The following WDFY3 variants were observed in gnomAD, a reference collection of about 807,000 sequenced individuals.
WDFY3 encodes WD repeat and FYVE domain-containing protein 3.
Under a neutral mutation model 409.6 loss-of-function variants are expected in WDFY3, and 66 were observed. That is an observed-to-expected ratio of 0.16 (90% CI 0.13 to 0.20). WDFY3 has a LOEUF of 0.20. Ranked by LOEUF, WDFY3 falls within the 10% of genes least tolerant of loss-of-function variation. The probability of loss-of-function intolerance (pLI) is 1.00; values close to 1 mark genes in which losing one functional copy is unlikely to be tolerated. For missense variants in WDFY3, 3,031 were observed against 4,298.1 expected (o/e 0.71, Z 8.24); for synonymous variants, 1,521 against 1,537.1 (o/e 0.99, Z 0.25).
chr4:84,889,131 G>A (rs1009543007), intron 3 of WDFY3, among the ~76,000 whole-genome samples: 2 of 152,084 alleles, frequency 1.3e-5, no homozygotes, highest in African/African-American at 2.4e-5. Flanking sequence ...TGTCTGATTG[G>A]CCTGATTTAT....
intron 24 of WDFY3, among the ~76,000 whole-genome samples, chr4:84,784,891 TACACACACAC>T (rs1215135327): frequency 2.7e-5 from 1 of 36,916 alleles, no homozygotes; most frequent in African/African-American, 7.7e-5. Context: ...TATATATATA[TACACACACAC>T]ACACACACAC....
intron 14 of WDFY3, chr4:84,809,332 G>A: frequency 6.7e-6 from 1 of 149,498 alleles, no homozygotes; most frequent in Non-Finnish European, 1.5e-5. Context: ...TCAATGCCTA[G>A]CACAGTGACT....
Position 84,670,997 on chromosome 4 carries a change from G to A in WDFY3, c.*1871C>T, listed in dbSNP as rs1725365949. On this transcript the variant is annotated 3_prime_UTR_variant, in exon 68 of 68. Transcript: ENST00000295888. ...TATATTTGAACTTTTAGAAATGGAA[G>A]TGTTTTAATCAATTTTGATATGTAA... 1 of 152,604 alleles carries A rather than the reference G, an allele frequency of 6.6e-6. No individual in the cohort carries two copies. Among genetic ancestry groups the A allele is most frequent in the African/African-American group, 2.4e-5 (1 of 41,434 alleles). 9.5% of individuals were successfully genotyped at this position (152,604 alleles called of 1,614,324 possible).
intron 2 of WDFY3, among the ~76,000 whole-genome samples, chr4:84,923,734 C>T (rs140047471): frequency 2.0e-5 from 3 of 152,292 alleles, no homozygotes; most frequent in African/African-American, 7.2e-5. Flanking sequence ...TATGATGGCT[C>T]ATGCCTGTAA....
At chr4:84,940,156 C>T (rs1366488766) in intron 1 of WDFY3, among the ~76,000 whole-genome samples, 2 of 152,068 alleles carry the variant, frequency 1.3e-5, no homozygotes, top group African/African-American at 2.4e-5. Flanking sequence ...ATCCCCAATA[C>T]ACCTAAAAAG....
intron 3 of WDFY3, among the ~76,000 whole-genome samples, chr4:84,895,604 G>A (rs1318255920): frequency 1.3e-5 from 2 of 152,196 alleles, no homozygotes; most frequent in East Asian, 1.9e-4. Context: ...TTACATGTTA[G>A]ACTAACAATA....
At chr4:84,820,880 A>T (rs1428841949) in intron 11 of WDFY3, among the ~76,000 whole-genome samples, 2 of 152,076 alleles carry the variant, frequency 1.3e-5, no homozygotes, top group Non-Finnish European at 2.9e-5. Flanking sequence ...ATACACTCAC[A>T]TAATTCTAGC....
intron 2 of WDFY3, among the ~76,000 whole-genome samples, chr4:84,922,690 C>T (rs1193732567): frequency 6.6e-6 from 1 of 151,894 alleles, no homozygotes; most frequent in Non-Finnish European, 1.5e-5. Flanking sequence ...GACAGGGTCT[C>T]GCTCTTCTGC....
chr4:84,916,138 A>C (rs1375220316), intron 2 of WDFY3, among the ~76,000 whole-genome samples: 1 of 152,232 alleles, frequency 6.6e-6, no homozygotes, highest in Admixed American at 6.5e-5. Flanking sequence ...AAAACGGATG[A>C]ACGACATTAT....
chr4:84,672,063 T>C lies in WDFY3; in HGVS notation c.*805A>G, dbSNP rs1725512435. On this transcript the variant is annotated 3_prime_UTR_variant, in exon 68 of 68. Coordinates refer to ENST00000295888, the MANE Select transcript of WDFY3 (RefSeq NM_014991.6). ...CATACAAGTTTAAAAGGGGCCCTGTTTATGTAGGAACAACACTGAGGTGGT... is the reference window on the plus strand; with the variant it reads ...CATACAAGTTTAAAAGGGGCCCTGTCTATGTAGGAACAACACTGAGGTGGT... 1 of 152,196 alleles carries C rather than the reference T, an allele frequency of 6.6e-6. No individual in the cohort carries two copies. Among genetic ancestry groups the C allele is most frequent in the Non-Finnish European group, 1.5e-5 (1 of 68,020 alleles). 9.4% of individuals were successfully genotyped at this position (152,196 alleles called of 1,614,324 possible).
In WDFY3 at chr4:84,798,003, TTC is replaced by T; in HGVS notation, c.2926_2927del (p.Glu976AsnfsTer4). The T allele has an allele frequency of 6.2e-7, 1 of 1,606,492 alleles. No individual in the cohort carries two copies. Among genetic ancestry groups the T allele is most frequent in the Non-Finnish European group, 8.5e-7 (1 of 1,177,106 alleles). On this transcript the variant is annotated frameshift_variant, in exon 18 of 68. Coordinates refer to ENST00000295888, the MANE Select transcript of WDFY3 (RefSeq NM_014991.6). LOFTEE classifies it high-confidence loss of function. ...HKPSSLSYEP[E>X]MRSSMITSLE... is the part of the protein sequence containing the mutation. ...GGGAATTTCAAAACTTACTTCTCAT[TTC>T]TGGTTCATAACTCAGTGAACTTGGT...
At chr4:84,751,970 T>C (rs180976705) in intron 35 of WDFY3, among the ~76,000 whole-genome samples, 12 of 152,260 alleles carry the variant, frequency 7.9e-5, no homozygotes, top group Admixed American at 7.2e-4. Context: ...TGTATGTCTA[T>C]TGTGGCTAAC....
In WDFY3 at chr4:84,678,191, C is replaced by T. The variant is rs1168123901; in HGVS notation, c.10236G>A (p.Glu3412=). 6.2e-7 allele frequency: 1 copy of T among 1,614,006 alleles called. No homozygotes were observed. The highest frequency in any genetic ancestry group is 8.5e-7 in the Non-Finnish European group (1 of 1,179,972). The change falls in exon 66 of 68, where the codon GAG becomes GAA. Residue 3412 remains glutamate (E), a synonymous_variant. Coordinates refer to ENST00000295888, the MANE Select transcript of WDFY3 (RefSeq NM_014991.6). ...FDRKDNAHPA[E]VTALGISKDH... ...ACTTGGAGATGCCCAAGGCAGTGAC[C>T]TCAGCTGGGTGTGCATTGTCCTTTC...
At chr4:84,898,825 G>C (rs1175810547) in intron 2 of WDFY3, among the ~76,000 whole-genome samples, 1 of 152,128 alleles carries the variant, frequency 6.6e-6, no homozygotes, top group Non-Finnish European at 1.5e-5. Flanking sequence ...TCCATCTGTA[G>C]GATGCTGTTC....
At chr4:84,754,009 T>TGTGTGTTTGCTC in intron 34 of WDFY3, 133 bp from the exon 35 acceptor site, 2 of 1,001,892 alleles carry the variant, frequency 2.0e-6, no homozygotes, top group Non-Finnish European at 2.7e-6. Context: ...AAACCACACA[T>TGTGTGTTTGCTC]ATGAGCAAAC....
intron 12 of WDFY3, among the ~76,000 whole-genome samples, chr4:84,819,791 CA>C (rs962569339): frequency 1.3e-5 from 2 of 151,894 alleles, no homozygotes; most frequent in Non-Finnish European, 1.5e-5. Flanking sequence ...ATTTAAATAG[CA>C]ACTTATTTGA....
intron 3 of WDFY3, among the ~76,000 whole-genome samples, chr4:84,882,633 T>C (rs1365820342): frequency 6.6e-6 from 1 of 152,118 alleles, no homozygotes; most frequent in Non-Finnish European, 1.5e-5. Context: ...TAAAAGGTGA[T>C]ACTAATATGA....
chr4:84,810,736 C>A (rs962782126), intron 13 of WDFY3, among the ~76,000 whole-genome samples: 6 of 152,132 alleles, frequency 3.9e-5, no homozygotes, highest in Non-Finnish European at 8.8e-5. Flanking sequence ...CTGATTAATT[C>A]TAGAAGGGAT....
At chr4:84,685,495 C>T (rs1258258134) in intron 62 of WDFY3, among the ~76,000 whole-genome samples, 1 of 152,206 alleles carries the variant, frequency 6.6e-6, no homozygotes, top group Admixed American at 6.5e-5. Flanking sequence ...CTATAAGTGT[C>T]AGCAATTGAG....
Sources: gnomAD v4.1 joint callset for allele counts (sites outside exome capture counted in the v4.1 genomes callset) on GRCh38, gnomAD v4.1.1 for gene constraint, MANE v1.5 for transcripts, NCBI Gene and HGNC (gene_info 2026-07-23, HGNC 2026-07-21) for gene names.